The following TENM2 variants were observed in gnomAD, a reference collection of about 807,000 sequenced individuals.
TENM2 encodes the protein teneurin transmembrane protein 2, also known as teneurin-2.
In TENM2, 52 loss-of-function variants were observed where a neutral mutation model predicts 245.2. That is an observed-to-expected ratio of 0.21 (90% CI 0.17 to 0.27). The LOEUF is 0.27. TENM2 is among the 10% of genes least tolerant of loss of function. TENM2 has a pLI of 1.00. For synonymous variants in TENM2, 1,363 were observed against 1,438.9 expected (o/e 0.95, Z 1.19); for missense variants, 3,046 against 3,666.8 (o/e 0.83, Z 4.37).
chr5:167,425,829 T>A (rs1221788186), intron 2 of TENM2, among the ~76,000 whole-genome samples: 3 of 152,286 alleles, frequency 2.0e-5, no homozygotes, highest in South Asian at 4.1e-4. Flanking sequence ...ATTGAGATGA[T>A]CCCTGTTAAG....
chr5:167,029,665 G>T, the TENM2 span, among the ~76,000 whole-genome samples: 1 of 152,108 alleles, frequency 6.6e-6, no homozygotes, highest in African/African-American at 2.4e-5. Context: ...TGGGGCTGTT[G>T]CCAGGGACAA....
rs920522828 is a variant in TENM2 at position 168,250,277 on chromosome 5, A to G, written c.7432+1906A>G. On this transcript the variant is annotated intron_variant, in intron 27 of 28. Coordinates refer to ENST00000518659, the Ensembl canonical transcript of TENM2. Reference sequence around the variant, plus strand: ...ATGGATAGATGGATGGTTGGTAGGTAGGTAGGTAGAGAGAAGGGGAGAGAG... The same window carrying G: ...ATGGATAGATGGATGGTTGGTAGGTGGGTAGGTAGAGAGAAGGGGAGAGAG... Among the ~76,000 whole-genome samples, 68 of 152,172 alleles carry G rather than the reference A, an allele frequency of 4.5e-4. 1 individual carries two copies. The highest frequency in any genetic ancestry group is 5.9e-5 in the Non-Finnish European group (4 of 67,978).
At chr5:167,790,695 G>A (rs1398439719) in intron 2 of TENM2, among the ~76,000 whole-genome samples, 1 of 152,140 alleles carries the variant, frequency 6.6e-6, no homozygotes, top group East Asian at 1.9e-4. Flanking sequence ...TTCCAACAGA[G>A]ACATGACGTT....
At chr5:168,237,033 T>G (rs1288166225) in intron 25 of TENM2, among the ~76,000 whole-genome samples, 1 of 86,318 alleles carries the variant, frequency 1.2e-5, no homozygotes, top group Non-Finnish European at 2.2e-5. Context: ...TTTTTTTTTT[T>G]GAGACAGAGC....
At chr5:167,855,443 T>C (rs1770975252) in intron 2 of TENM2, among the ~76,000 whole-genome samples, 1 of 152,150 alleles carries the variant, frequency 6.6e-6, no homozygotes, top group Non-Finnish European at 1.5e-5. Context: ...TATATGTTCG[T>C]ATACATGTGT....
intron 27 of TENM2, among the ~76,000 whole-genome samples, chr5:168,257,398 GGGCCTACCAACATAAAGGTGGTGAGATGA>G (rs1434714672): frequency 6.6e-6 from 1 of 152,166 alleles, no homozygotes; most frequent in African/African-American, 2.4e-5. Flanking sequence ...GCTGGGCAGA[GGGCCTACCAACATAAAGGTGGTGAGATGA>G]GTGCATCCCT....
intron 4 of TENM2, among the ~76,000 whole-genome samples, chr5:167,967,924 CTT>C (rs1229860108): frequency 6.6e-6 from 1 of 152,180 alleles, no homozygotes; most frequent in African/African-American, 2.4e-5. Context: ...AGCGCAAGTC[CTT>C]TCTAATTCTG....
chr5:167,505,451 G>C (rs1314629555), intron 2 of TENM2, among the ~76,000 whole-genome samples: 2 of 152,102 alleles, frequency 1.3e-5, no homozygotes, highest in Non-Finnish European at 1.5e-5. Context: ...AGAGACCTTA[G>C]TAAAAAGAAG....
At chr5:168,116,197 TAG>T (rs1252099217) in intron 9 of TENM2, among the ~76,000 whole-genome samples, 1 of 152,178 alleles carries the variant, frequency 6.6e-6, no homozygotes, top group African/African-American at 2.4e-5. Flanking sequence ...ATCCTGTAGA[TAG>T]AGAGTATGAT....
At chr5:167,993,030 A>G in exon 5 of TENM2, 1 of 1,613,886 alleles carries the variant, frequency 6.2e-7, no homozygotes, top group Non-Finnish European at 8.5e-7. Flanking sequence ...GGAACGGTTT[A>G]CACGCCCCCG....
chr5:167,929,042 GAAAA>G (rs1378057650), intron 3 of TENM2, among the ~76,000 whole-genome samples: 2 of 99,532 alleles, frequency 2.0e-5, no homozygotes, highest in Non-Finnish European at 2.1e-5. Context: ...AGAAAGAAAA[GAAAA>G]AAGAAAGAAA....
intron 5 of TENM2, among the ~76,000 whole-genome samples, chr5:168,026,717 T>C (rs1223541678): frequency 1.3e-5 from 2 of 152,142 alleles, no homozygotes; most frequent in Non-Finnish European, 2.9e-5. Flanking sequence ...TAATAGCACT[T>C]ATCTCATAGG....
chr5:167,203,834 T>A, the TENM2 span, among the ~76,000 whole-genome samples: 1 of 151,362 alleles, frequency 6.6e-6, no homozygotes, highest in African/African-American at 2.4e-5. Context: ...ATGAAAACAG[T>A]AAATCTTGCA....
chr5:167,592,355 C>T (rs1020959123), intron 2 of TENM2, among the ~76,000 whole-genome samples: 19 of 152,184 alleles, frequency 1.2e-4, no homozygotes, highest in African/African-American at 4.6e-4. Context: ...CCCAGCTCAG[C>T]AAGAGCGGTG....
chr5:167,376,111 A>T (rs182170011), intron 2 of TENM2, among the ~76,000 whole-genome samples: 44 of 152,340 alleles, frequency 2.9e-4, no homozygotes, highest in Non-Finnish European at 5.6e-4. Context: ...TTCTAGGTGG[A>T]TTTTAATGAA....
chr5:167,174,706 A>G, the TENM2 span, among the ~76,000 whole-genome samples: 9 of 152,024 alleles, frequency 5.9e-5, no homozygotes, highest in Non-Finnish European at 1.0e-4. Flanking sequence ...GCACATTTTC[A>G]TTATGCAATA....
Position 167,458,465 on chromosome 5 carries a change from C to T in TENM2, c.502+82992C>T, listed in dbSNP as rs929152977. Among the ~76,000 whole-genome samples, 9 of 119,044 alleles carry T rather than the reference C, an allele frequency of 7.6e-5. No individual in the cohort carries two copies. The South Asian group carries it at 1.4e-3, about 19-fold the overall frequency. The allele number at this position is 119,044 out of a possible 152,430, so 78.1% of individuals were successfully genotyped here. A position where few individuals can be genotyped will look rare whatever the true frequency, so the allele number is the denominator to read the frequency against. On this transcript the variant is annotated intron_variant, in intron 2 of 28. Transcript: ENST00000518659. Reference sequence around the variant, plus strand: ...TCATGCAACTGCACTCCAGCCTAGGCGACAAAGCAAGACTCCGTCTCAAAA... The same window carrying T: ...TCATGCAACTGCACTCCAGCCTAGGTGACAAAGCAAGACTCCGTCTCAAAA...
chr5:168,165,417 GA>G (rs1289680485), intron 13 of TENM2, among the ~76,000 whole-genome samples: 1 of 152,062 alleles, frequency 6.6e-6, no homozygotes, highest in East Asian at 1.9e-4. Context: ...GTCAGCAGCT[GA>G]AAGCATAACA....
intron 13 of TENM2, among the ~76,000 whole-genome samples, chr5:168,168,486 C>A (rs577507185): frequency 6.6e-6 from 1 of 152,134 alleles, no homozygotes; most frequent in Non-Finnish European, 1.5e-5. Context: ...TCAAGACCAG[C>A]CTCGGCAACA....
Sources: gnomAD v4.1 joint callset for allele counts (sites outside exome capture counted in the v4.1 genomes callset) on GRCh38, gnomAD v4.1.1 for gene constraint, MANE v1.5 for transcripts, NCBI Gene and HGNC (gene_info 2026-07-23, HGNC 2026-07-21) for gene names.